Variants in CACNA2D3 observed in about 807,000 individuals in gnomAD.
CACNA2D3 encodes calcium voltage-gated channel auxiliary subunit alpha2delta 3, also known as voltage-dependent calcium channel subunit alpha-2/delta-3.
Under a neutral mutation model 160.6 loss-of-function variants are expected in CACNA2D3, and 60 were observed. The observed-to-expected ratio is 0.37, with a 90% CI of 0.30 to 0.46. The LOEUF is 0.46. CACNA2D3 is among the 20% of genes least tolerant of loss of function. CACNA2D3 has a pLI of 1.00. For synonymous variants in CACNA2D3, 558 were observed against 492.9 expected (o/e 1.13, Z -1.75); for missense variants, 1,205 against 1,365.0 (o/e 0.88, Z 1.85).
chr3:54,434,124 C>A (rs1700028110), intron 4 of CACNA2D3, among the ~76,000 whole-genome samples: 1 of 152,160 alleles, frequency 6.6e-6, no homozygotes, highest in African/African-American at 2.4e-5. Flanking sequence ...GCTCCTGTTC[C>A]CCTGTCAGAG....
intron 11 of CACNA2D3, among the ~76,000 whole-genome samples, chr3:54,643,010 G>A (rs1575401764): frequency 6.6e-6 from 1 of 152,116 alleles, no homozygotes; most frequent in African/African-American, 2.4e-5. Flanking sequence ...ACAATTGGTG[G>A]TCACTGTCTC....
intron 14 of CACNA2D3, among the ~76,000 whole-genome samples, chr3:54,827,036 G>C (rs1703763673): frequency 6.6e-6 from 1 of 152,124 alleles, no homozygotes; most frequent in African/African-American, 2.4e-5. Flanking sequence ...AGGATGATTT[G>C]CTTGATTGCA....
chr3:54,174,676 C>T (rs1376680553), intron 2 of CACNA2D3, among the ~76,000 whole-genome samples: 3 of 152,172 alleles, frequency 2.0e-5, no homozygotes, highest in African/African-American at 7.2e-5. Flanking sequence ...AGGCGCCCGC[C>T]ACCACGCCTG....
chr3:54,279,081 C>A (rs1361099408), intron 2 of CACNA2D3, among the ~76,000 whole-genome samples: 1 of 152,212 alleles, frequency 6.6e-6, no homozygotes, highest in Non-Finnish European at 1.5e-5. Flanking sequence ...ACCTAATTCA[C>A]TGCTATAAAT....
At position 54,467,690 on chromosome 3, in the gene CACNA2D3, G is replaced by A. The variant is rs565495343; in HGVS notation, c.382-35802G>A. Among the ~76,000 whole-genome samples, 19 of 152,302 alleles carry A rather than the reference G, an allele frequency of 1.2e-4. No homozygotes were observed. In the East Asian group the frequency reaches 3.3e-3, roughly 26 times the overall value. On this transcript the variant is annotated intron_variant, in intron 4 of 37. Coordinates refer to ENST00000474759, the MANE Select transcript of CACNA2D3 (RefSeq NM_018398.3). Reference sequence around the variant, plus strand: ...AATGTAAAAAGTTGTTCTCATAGAAGTAGAGGGAGAATAGTGGTTACCAGA... The same window carrying A: ...AATGTAAAAAGTTGTTCTCATAGAAATAGAGGGAGAATAGTGGTTACCAGA...
chr3:54,448,793 T>C (rs1208817678), intron 4 of CACNA2D3, among the ~76,000 whole-genome samples: 3 of 152,348 alleles, frequency 2.0e-5, no homozygotes, highest in South Asian at 2.1e-4. Flanking sequence ...GCTTCACTTA[T>C]GCATTATTAT....
chr3:54,304,848 A>T (rs1244674329), intron 2 of CACNA2D3, among the ~76,000 whole-genome samples: 1 of 152,164 alleles, frequency 6.6e-6, no homozygotes, highest in African/African-American at 2.4e-5. Context: ...AAGTCATCCA[A>T]AATTCTGCCA....
chr3:55,037,126 T>G (rs1448451308), intron 35 of CACNA2D3, among the ~76,000 whole-genome samples: 2 of 152,140 alleles, frequency 1.3e-5, no homozygotes, highest in Non-Finnish European at 2.9e-5. Flanking sequence ...CTAGACTCTT[T>G]CTCTTTTGCA....
intron 2 of CACNA2D3, among the ~76,000 whole-genome samples, chr3:54,283,394 C>T (rs571441901): frequency 2.6e-5 from 4 of 152,190 alleles, no homozygotes; most frequent in East Asian, 3.9e-4. Flanking sequence ...TGTTTTTGGT[C>T]GCAGAATATA....
At chr3:54,463,370 T>G (rs9990007) in intron 4 of CACNA2D3, among the ~76,000 whole-genome samples, 1,936 of 152,332 alleles carry the variant, frequency 0.013, 39 homozygotes, top group African/African-American at 0.045. Flanking sequence ...CTGCAGAGTG[T>G]TTTCCAACTT....
chr3:54,483,071 TG>T (rs1439772621), intron 4 of CACNA2D3, among the ~76,000 whole-genome samples: 1 of 152,170 alleles, frequency 6.6e-6, no homozygotes, highest in Non-Finnish European at 1.5e-5. Context: ...AATGAATGAA[TG>T]AGTGATGAAT....
chr3:54,993,885 A>AGT (rs34012508), intron 31 of CACNA2D3, among the ~76,000 whole-genome samples: 28,272 of 111,208 alleles, frequency 0.25, 3,389 homozygotes, highest in East Asian at 0.36. Context: ...TGCAACTGCT[A>AGT]GTGTGTGTGT....
chr3:54,597,875 C>A (rs12495467), intron 9 of CACNA2D3, among the ~76,000 whole-genome samples: 46,459 of 151,886 alleles, frequency 0.31, 7,466 homozygotes, highest in Admixed American at 0.44. Context: ...GGAAATGCCT[C>A]ATGGTTAAGA....
At chr3:54,747,953 A>C (rs1269596314) in intron 11 of CACNA2D3, among the ~76,000 whole-genome samples, 3 of 152,134 alleles carry the variant, frequency 2.0e-5, no homozygotes, top group Non-Finnish European at 2.9e-5. Context: ...AACATTCTCT[A>C]TGAATTTGCC....
At chr3:54,916,364 TAAAG>T (rs1700659047) in intron 27 of CACNA2D3, among the ~76,000 whole-genome samples, 1 of 152,148 alleles carries the variant, frequency 6.6e-6, no homozygotes, top group African/African-American at 2.4e-5. Context: ...ACTACGTCCA[TAAAG>T]AAGGATATTG....
chr3:54,863,930 C>A (rs1328496664), intron 17 of CACNA2D3, among the ~76,000 whole-genome samples: 1 of 152,180 alleles, frequency 6.6e-6, no homozygotes, highest in African/African-American at 2.4e-5. Context: ...TTTTGACACA[C>A]CCTCATGACC....
At chr3:54,577,799 C>G (rs1436876589) in intron 8 of CACNA2D3, among the ~76,000 whole-genome samples, 1 of 152,162 alleles carries the variant, frequency 6.6e-6, no homozygotes, top group Non-Finnish European at 1.5e-5. Flanking sequence ...GCTCACCCAG[C>G]TAGTGTGTGG....
chr3:54,977,102 T>G (rs1702407893), intron 29 of CACNA2D3, among the ~76,000 whole-genome samples: 1 of 152,204 alleles, frequency 6.6e-6, no homozygotes, highest in African/African-American at 2.4e-5. Context: ...AGGAGTTTAG[T>G]GTTTCTGATA....
At chr3:54,657,602 C>T (rs995983122) in intron 11 of CACNA2D3, among the ~76,000 whole-genome samples, 3 of 152,276 alleles carry the variant, frequency 2.0e-5, no homozygotes, top group Middle Eastern at 3.4e-3. Context: ...ATTTTAGATG[C>T]CAGGTAGATG....
Sources: gnomAD v4.1 joint callset for allele counts (sites outside exome capture counted in the v4.1 genomes callset) on GRCh38, gnomAD v4.1.1 for gene constraint, MANE v1.5 for transcripts, NCBI Gene and HGNC (gene_info 2026-07-23, HGNC 2026-07-21) for gene names.